Variants in CNTN5 observed in about 807,000 individuals in gnomAD.
CNTN5 encodes contactin 5, also known as contactin-5.
A neutral mutation model predicts 129.1 loss-of-function variants in CNTN5; 77 were observed. The observed-to-expected ratio is 0.60, with a 90% confidence interval of 0.50 to 0.72. CNTN5 has a LOEUF of 0.72. Ranked by LOEUF, CNTN5 falls within the 30% of genes least tolerant of loss-of-function variation. The pLI, the probability that CNTN5 is intolerant of heterozygous loss-of-function variation, is 0.00. For synonymous variants in CNTN5, 509 were observed against 465.6 expected, an observed-to-expected ratio of 1.09 and a Z score of -1.20; for missense variants, 1,478 against 1,328.8, an observed-to-expected ratio of 1.11 and a Z score of -1.75.
intron 2 of CNTN5, among the ~76,000 whole-genome samples, chr11:99,514,953 T>G (rs955040650): frequency 2.6e-5 from 4 of 152,056 alleles, no homozygotes; most frequent in African/African-American, 9.7e-5. Context: ...GAAAGGAAGA[T>G]ATTAGACTTT....
intron 2 of CNTN5, among the ~76,000 whole-genome samples, chr11:99,532,805 A>C (rs897831716): frequency 6.6e-6 from 1 of 152,190 alleles, no homozygotes; most frequent in African/African-American, 2.4e-5. Flanking sequence ...GTCATATAAA[A>C]ACTCTTTTTC....
chr11:99,715,929 AGAG>A (rs1473914740), intron 3 of CNTN5, among the ~76,000 whole-genome samples: 7 of 152,000 alleles, frequency 4.6e-5, no homozygotes, highest in Non-Finnish European at 7.4e-5. Context: ...TTAGAAATAA[AGAG>A]GAGAGTATAT....
At chr11:99,388,083 AC>A (rs1410549026) in intron 2 of CNTN5, among the ~76,000 whole-genome samples, 1 of 152,000 alleles carries the variant, frequency 6.6e-6, no homozygotes, top group African/African-American at 2.4e-5. Flanking sequence ...CTGCAGAGAA[AC>A]TTTTATTCCC....
chr11:99,880,241 A>G (rs1948737430), intron 6 of CNTN5, among the ~76,000 whole-genome samples: 1 of 152,200 alleles, frequency 6.6e-6, no homozygotes, highest in Non-Finnish European at 1.5e-5. Context: ...TCATGTTGCC[A>G]TTGCTCTGTG....
chr11:99,281,450 C>T (rs1863688859), intron 1 of CNTN5, among the ~76,000 whole-genome samples: 1 of 152,008 alleles, frequency 6.6e-6, no homozygotes, highest in African/African-American at 2.4e-5. Context: ...AGTGCTTCCT[C>T]ACCTATGTCC....
chr11:99,819,510 A>C, intron 3 of CNTN5, 34 bp from the exon 4 acceptor site: 4 of 1,557,148 alleles, frequency 2.6e-6, no homozygotes, highest in Non-Finnish European at 3.5e-6. Context: ...AGTTTCCTCA[A>C]AATTCAGATT....
chr11:99,193,666 C>T (rs546556054), intron 1 of CNTN5, among the ~76,000 whole-genome samples: 9 of 152,302 alleles, frequency 5.9e-5, no homozygotes, highest in South Asian at 4.1e-4. Flanking sequence ...TTTTCGCACT[C>T]ATTTACAATG....
At position 99,337,790 on chromosome 11, in the gene CNTN5, G is replaced by GA. The variant is rs200142483; in HGVS notation, c.-71+12313dup. Among the ~76,000 whole-genome samples, 13 of 151,814 alleles carry GA rather than the reference G, an allele frequency of 8.6e-5. No homozygotes were observed. The East Asian group carries it at 1.9e-3, about 23-fold the overall frequency. On this transcript the variant is annotated intron_variant, in intron 2 of 24. Transcript: ENST00000524871. ...TATTTTCCACTTGAGGCTATTCAAAGAAAAAAATGTATAAGAAGTCTTTTT... is the reference window on the plus strand; with the variant it reads ...TATTTTCCACTTGAGGCTATTCAAAGAAAAAAAATGTATAAGAAGTCTTTTT...
intron 2 of CNTN5, among the ~76,000 whole-genome samples, chr11:99,408,434 A>C (rs1204078782): frequency 1.4e-5 from 1 of 72,970 alleles, no homozygotes; most frequent in Non-Finnish European, 2.7e-5. Flanking sequence ...AAGAAAAAGA[A>C]AGAAAGAAAG....
At chr11:99,493,879 A>G (rs1946128042) in intron 2 of CNTN5, among the ~76,000 whole-genome samples, 1 of 144,536 alleles carries the variant, frequency 6.9e-6, no homozygotes, top group African/African-American at 2.5e-5. Flanking sequence ...ACCAAGATTT[A>G]CTAAAGGTAG....
At chr11:99,402,528 TTTG>T (rs1444901792) in intron 2 of CNTN5, among the ~76,000 whole-genome samples, 1 of 152,110 alleles carries the variant, frequency 6.6e-6, no homozygotes, top group Non-Finnish European at 1.5e-5. Context: ...GACCTATAGT[TTTG>T]TTGTTGTTTT....
intron 2 of CNTN5, among the ~76,000 whole-genome samples, chr11:99,438,066 A>C (rs1803474190): frequency 1.3e-5 from 2 of 152,212 alleles, no homozygotes; most frequent in Non-Finnish European, 2.9e-5. Context: ...CTATCATTTT[A>C]GTGCAACATT....
intron 8 of CNTN5, among the ~76,000 whole-genome samples, chr11:99,957,864 T>C (rs534746890): frequency 1.3e-5 from 2 of 152,158 alleles, no homozygotes; most frequent in East Asian, 3.9e-4. Context: ...TTTGCGTGTG[T>C]GTGTGTGTGT....
At chr11:100,083,031 G>A (rs2137941130) in intron 13 of CNTN5, among the ~76,000 whole-genome samples, 1 of 152,104 alleles carries the variant, frequency 6.6e-6, no homozygotes, top group South Asian at 2.1e-4. Context: ...AAAGAGATAA[G>A]AAGGCTGGGT....
At chr11:99,091,652 CG>C (rs1418142145) in intron 1 of CNTN5, among the ~76,000 whole-genome samples, 3 of 152,102 alleles carry the variant, frequency 2.0e-5, no homozygotes, top group African/African-American at 7.2e-5. Flanking sequence ...ACTTCATCTG[CG>C]GGGATGCTGC....
In CNTN5 at chr11:99,757,782, AAGTT is replaced by A. The variant is rs1306084744; in HGVS notation, c.56-61756_56-61753del. ...ACTTAGTAGCTATGTAAGCTAAGAC[AAGTT>A]AGTTAATCTTTCTGGTTATATATTA... On this transcript the variant is annotated intron_variant, in intron 3 of 24. Coordinates refer to ENST00000524871, the MANE Select transcript of CNTN5 (RefSeq NM_014361.4). 2.0e-5 allele frequency among the ~76,000 whole-genome samples: 3 copies of A among 152,176 alleles called. 1 individual carries two copies. Among genetic ancestry groups the A allele is most frequent in the South Asian group, 4.1e-4 (2 of 4,828 alleles).
At chr11:100,196,960 C>T (rs1457990078) in intron 15 of CNTN5, among the ~76,000 whole-genome samples, 2 of 151,906 alleles carry the variant, frequency 1.3e-5, no homozygotes, top group African/African-American at 4.8e-5. Flanking sequence ...AAGAGAGCAC[C>T]ATTTAAGGGT....
At chr11:99,335,907 C>T (rs946974255) in intron 2 of CNTN5, among the ~76,000 whole-genome samples, 4 of 151,952 alleles carry the variant, frequency 2.6e-5, no homozygotes, top group Non-Finnish European at 4.4e-5. Flanking sequence ...GACTGATTCA[C>T]CATTGTGGAC....
At chr11:99,586,116 C>T (rs1949784459) in intron 3 of CNTN5, among the ~76,000 whole-genome samples, 2 of 152,044 alleles carry the variant, frequency 1.3e-5, no homozygotes, top group South Asian at 4.1e-4. Context: ...CATGTCTAGT[C>T]TGCTAATTTC....
Sources: gnomAD v4.1 joint callset for allele counts (sites outside exome capture counted in the v4.1 genomes callset) on GRCh38, gnomAD v4.1.1 for gene constraint, MANE v1.5 for transcripts, NCBI Gene and HGNC (gene_info 2026-07-23, HGNC 2026-07-21) for gene names.